ARHGAP15: variants seen among roughly 807,000 people sequenced by gnomAD.
ARHGAP15 encodes Rho GTPase activating protein 15.
ARHGAP15 carries 51 observed loss-of-function variants against 63.7 expected under a neutral mutation model. The observed-to-expected ratio is 0.80, with a 90% CI of 0.64 to 1.01. ARHGAP15 has a LOEUF of 1.01. Ranked by LOEUF, ARHGAP15 falls within the 50% of genes least tolerant of loss-of-function variation. The pLI is 0.00. For synonymous variants in ARHGAP15, 191 were observed against 193.8 expected (o/e 0.99, Z 0.12); for missense variants, 560 against 564.6 (o/e 0.99, Z 0.08).
chr2:143,196,780 A>C (rs975070656), intron 2 of ARHGAP15, among the ~76,000 whole-genome samples: 1 of 151,904 alleles, frequency 6.6e-6, no homozygotes, highest in Middle Eastern at 3.2e-3. Flanking sequence ...TTCTGTTTAG[A>C]GGGGGGACCT....
intron 12 of ARHGAP15, among the ~76,000 whole-genome samples, chr2:143,668,611 C>A (rs144176404): frequency 2.8e-4 from 43 of 152,322 alleles, no homozygotes; most frequent in African/African-American, 1.0e-3. Flanking sequence ...TTTATACAGC[C>A]TACATGACCA....
rs1558779624 is a variant in ARHGAP15, at chr2:143,153,843, T to TTCCTCTTCCTCC, written c.-14-1629_-14-1628insTTCCTCCTCCTC. ...CTTCTTCTTCTTCTTCTTCTTCTTC[T>TTCCTCTTCCTCC]TCCTCCTCCTCCTCCTCCTCCTCCT... On this transcript the variant is annotated intron_variant, in intron 1 of 13. Coordinates refer to ENST00000295095, the MANE Select transcript of ARHGAP15 (RefSeq NM_018460.4). Among the ~76,000 whole-genome samples the TTCCTCTTCCTCC allele has an allele frequency of 8.1e-3, 701 of 86,832 alleles. 38 individuals are homozygous for TTCCTCTTCCTCC. Among genetic ancestry groups the TTCCTCTTCCTCC allele is most frequent in the East Asian group, 0.013 (31 of 2,386 alleles). The allele number at this position is 86,832 out of a possible 152,430, so 57.0% of individuals were successfully genotyped here. A position where few individuals can be genotyped will look rare whatever the true frequency, so the allele number is the denominator to read the frequency against.
intron 6 of ARHGAP15, among the ~76,000 whole-genome samples, chr2:143,303,003 T>C (rs1244526472): frequency 1.3e-5 from 2 of 151,986 alleles, no homozygotes; most frequent in African/African-American, 2.4e-5. Context: ...TTAAAGCAGA[T>C]TGGGCTGAAA....
chr2:143,646,314 G>T (rs1038519910), intron 12 of ARHGAP15, among the ~76,000 whole-genome samples: 17 of 152,086 alleles, frequency 1.1e-4, no homozygotes, highest in Admixed American at 9.8e-4. Flanking sequence ...AAAAAAGATT[G>T]TGATATGAGA....
At chr2:143,452,934 C>T (rs1299250973) in intron 8 of ARHGAP15, among the ~76,000 whole-genome samples, 1 of 151,768 alleles carries the variant, frequency 6.6e-6, no homozygotes, top group African/African-American at 2.4e-5. Context: ...TTAATTTTTA[C>T]CCAAGGACAA....
chr2:143,331,867 A>G (rs1025368892), intron 6 of ARHGAP15, among the ~76,000 whole-genome samples: 2 of 152,136 alleles, frequency 1.3e-5, no homozygotes, highest in African/African-American at 2.4e-5. Flanking sequence ...ATCTTATAAG[A>G]CGTAAGCTTC....
At chr2:143,530,592 A>C (rs1694482729) in intron 10 of ARHGAP15, among the ~76,000 whole-genome samples, 2 of 144,868 alleles carry the variant, frequency 1.4e-5, no homozygotes. Context: ...ACTTCCTTGT[A>C]AGTTTGTGTA....
chr2:143,145,884 T>C (rs748993305), intron 1 of ARHGAP15, among the ~76,000 whole-genome samples: 1 of 144,710 alleles, frequency 6.9e-6, no homozygotes. Flanking sequence ...GTGTGTATAA[T>C]ATATATATAA....
intron 12 of ARHGAP15, among the ~76,000 whole-genome samples, chr2:143,647,679 T>C (rs12691687): frequency 0.81 from 123,324 of 151,938 alleles, 52,306 homozygotes; most frequent in South Asian, 0.96. Flanking sequence ...TTTAATTCTG[T>C]ACTTATTCTG....
intron 3 of ARHGAP15, among the ~76,000 whole-genome samples, chr2:143,210,055 G>T (rs1309997263): frequency 6.6e-6 from 1 of 152,156 alleles, no homozygotes; most frequent in Admixed American, 6.6e-5. Context: ...CGCAGAAATT[G>T]AATTACACTA....
intron 10 of ARHGAP15, among the ~76,000 whole-genome samples, chr2:143,548,274 G>C (rs777073849): frequency 3.9e-5 from 6 of 152,162 alleles, no homozygotes; most frequent in Non-Finnish European, 8.8e-5. Context: ...AATTGCCCAA[G>C]TGTTCAAAGA....
intron 6 of ARHGAP15, among the ~76,000 whole-genome samples, chr2:143,356,644 A>T (rs1685821559): frequency 6.6e-6 from 1 of 152,188 alleles, no homozygotes; most frequent in African/African-American, 2.4e-5. Flanking sequence ...AAGAAGAAAA[A>T]GAAACGCTTA....
At chr2:143,630,793 TAATTTTTAATAATTGAG>T (rs1025653424) in intron 12 of ARHGAP15, among the ~76,000 whole-genome samples, 20 of 152,258 alleles carry the variant, frequency 1.3e-4, no homozygotes, top group Non-Finnish European at 2.4e-4. Flanking sequence ...AGTTTATTTT[TAATTTTTAATAATTGAG>T]GATTTTTTTC....
chr2:143,451,075 G>A (rs745639447), intron 8 of ARHGAP15, among the ~76,000 whole-genome samples: 37 of 151,840 alleles, frequency 2.4e-4, no homozygotes, highest in Non-Finnish European at 4.7e-4. Context: ...GTTCTCTGAG[G>A]TATAAAAGAC....
chr2:143,444,101 C>T (rs973023822), intron 8 of ARHGAP15, among the ~76,000 whole-genome samples: 5 of 152,128 alleles, frequency 3.3e-5, no homozygotes, highest in Admixed American at 2.6e-4. Context: ...ACTAGATCAC[C>T]CTATCTTCCT....
intron 10 of ARHGAP15, among the ~76,000 whole-genome samples, chr2:143,553,192 A>G (rs1189694239): frequency 1.3e-5 from 2 of 152,238 alleles, no homozygotes; most frequent in Admixed American, 1.3e-4. Context: ...TATAATTTAT[A>G]ACTGTTAAAA....
At position 143,526,780 on chromosome 2, in the gene ARHGAP15, A is replaced by G. The variant is rs542532149; in HGVS notation, c.925+7416A>G. ...AAGCAGAAGCAAATAATAATAAGGC[A>G]GTCAGAGATTTTCAGATTTTTTTGC... is the stretch of plus-strand genomic sequence containing the variant. On this transcript the variant is annotated intron_variant, in intron 10 of 13. Coordinates refer to ENST00000295095, the MANE Select transcript of ARHGAP15 (RefSeq NM_018460.4). Among the ~76,000 whole-genome samples, 141 of 152,316 alleles carry G rather than the reference A, an allele frequency of 9.3e-4. 1 individual carries two copies. The Middle Eastern group carries it at 0.031, about 34-fold the overall frequency.
intron 8 of ARHGAP15, among the ~76,000 whole-genome samples, chr2:143,480,102 C>T (rs984078783): frequency 1.3e-5 from 2 of 152,098 alleles, no homozygotes; most frequent in East Asian, 1.9e-4. Context: ...TATAGAAATA[C>T]ATTATCAATG....
chr2:143,646,307 A>G (rs1364111289), intron 12 of ARHGAP15, among the ~76,000 whole-genome samples: 2 of 152,114 alleles, frequency 1.3e-5, no homozygotes, highest in Non-Finnish European at 2.9e-5. Context: ...AAAGAAAAAA[A>G]AAGATTGTGA....
Sources: allele counts gnomAD v4.1 joint callset (sites outside exome capture counted in the v4.1 genomes callset), GRCh38; gene constraint gnomAD v4.1.1; transcripts MANE v1.5; gene names NCBI Gene and HGNC (gene_info 2026-07-23, HGNC 2026-07-21).